TCF4: variants seen among roughly 807,000 people sequenced by gnomAD.
TCF4 encodes the protein SL3-3 enhancer factor 2.
In TCF4, 3 loss-of-function variants were observed where a neutral mutation model predicts 82.1. The ratio of observed to expected loss-of-function variants is 0.04; its 90% CI spans 0.02 to 0.09. The LOEUF is 0.09. TCF4 is among the 10% of genes least tolerant of loss of function. The probability of loss-of-function intolerance (pLI) is 1.00; values close to 1 mark genes in which losing one functional copy is unlikely to be tolerated. For missense variants in TCF4, 518 were observed against 852.7 expected (o/e 0.61, Z 4.89); for synonymous variants, 276 against 309.6 (o/e 0.89, Z 1.14).
intron 1 of TCF4, among the ~76,000 whole-genome samples, chr18:55,587,509 TCA>T (rs1456290400): frequency 2.0e-5 from 3 of 148,874 alleles, no homozygotes; most frequent in Admixed American, 1.3e-4. Context: ...AATGAATGGA[TCA>T]CAGAGAAAAG....
chr18:55,440,882 A>G (rs2095426747), intron 5 of TCF4, among the ~76,000 whole-genome samples: 1 of 152,056 alleles, frequency 6.6e-6, no homozygotes, highest in South Asian at 2.1e-4. Context: ...GTGTCTGTTT[A>G]TTGGATTTAT....
chr18:55,495,376 C>T (rs1168908647), intron 3 of TCF4, among the ~76,000 whole-genome samples: 1 of 151,480 alleles, frequency 6.6e-6, no homozygotes, highest in African/African-American at 2.4e-5. Context: ...ATTTCTACTC[C>T]AACTGTAGAA....
At chr18:55,624,723 G>C (rs2097724808) in intron 2 of TCF4, among the ~76,000 whole-genome samples, 1 of 151,996 alleles carries the variant, frequency 6.6e-6, no homozygotes, top group South Asian at 2.1e-4. Flanking sequence ...CCTTTCTCCA[G>C]GCAGCTCTCC....
At chr18:55,429,878 T>C (rs928482427) in intron 5 of TCF4, among the ~76,000 whole-genome samples, 2 of 151,782 alleles carry the variant, frequency 1.3e-5, no homozygotes, top group African/African-American at 4.8e-5. Flanking sequence ...ATTTAGGTCT[T>C]GACATGATCT....
chr18:55,326,478 A>G (rs968380901), intron 8 of TCF4, among the ~76,000 whole-genome samples: 6 of 151,976 alleles, frequency 3.9e-5, no homozygotes, highest in Non-Finnish European at 8.8e-5. Flanking sequence ...AATGGAAAAA[A>G]GAATTATAAA....
intron 8 of TCF4, among the ~76,000 whole-genome samples, chr18:55,345,640 C>A (rs2081023512): frequency 6.6e-6 from 1 of 152,120 alleles, no homozygotes; most frequent in Non-Finnish European, 1.5e-5. Flanking sequence ...AATTATACTT[C>A]TTCACAAAGT....
At chr18:55,611,666 G>C (rs1406960613) in intron 2 of TCF4, among the ~76,000 whole-genome samples, 1 of 152,016 alleles carries the variant, frequency 6.6e-6, no homozygotes, top group African/African-American at 2.4e-5. Flanking sequence ...CATTGAAAAA[G>C]TAAAAATAAG....
chr18:55,471,829 T>C (rs1019945692), intron 3 of TCF4, among the ~76,000 whole-genome samples: 5 of 151,780 alleles, frequency 3.3e-5, no homozygotes, highest in African/African-American at 7.3e-5. Flanking sequence ...CATTTTCAGA[T>C]GACTGCTGTC....
chr18:55,266,709 T>C (rs1191083136), intron 11 of TCF4: 3 of 151,952 alleles, frequency 2.0e-5, no homozygotes, highest in Non-Finnish European at 4.4e-5. Flanking sequence ...ATCCTTCTTA[T>C]GGATTTCTCA....
At chr18:55,610,603 T>C (rs2097706129) in intron 2 of TCF4, among the ~76,000 whole-genome samples, 1 of 152,142 alleles carries the variant, frequency 6.6e-6, no homozygotes, top group Non-Finnish European at 1.5e-5. Context: ...TTCCATTGAT[T>C]CCAAATTCAG....
rs543258007 is a variant in TCF4 at position 55,536,411 on chromosome 18, C to G, written c.145+48869G>C. Reference sequence around the variant, plus strand: ...TCAGCTTCAGACCATGAAACCATAGCTCTATAGGAACAAATCTACAAAAGA... The same window carrying G: ...TCAGCTTCAGACCATGAAACCATAGGTCTATAGGAACAAATCTACAAAAGA... On this transcript the variant is annotated intron_variant, in intron 3 of 19. Transcript: ENST00000354452. 3.3e-5 allele frequency among the ~76,000 whole-genome samples: 5 copies of G among 152,252 alleles called. No individual in the cohort carries two copies. The South Asian group carries it at 1.0e-3, about 32-fold the overall frequency.
chr18:55,439,785 TG>T (rs1469542760), intron 5 of TCF4, among the ~76,000 whole-genome samples: 2 of 152,220 alleles, frequency 1.3e-5, no homozygotes, highest in African/African-American at 4.8e-5. Context: ...TATAACGGCA[TG>T]ATCTCAGCTC....
chr18:55,347,970 G>A (rs1368468667), intron 8 of TCF4, among the ~76,000 whole-genome samples: 1 of 152,062 alleles, frequency 6.6e-6, no homozygotes, highest in African/African-American at 2.4e-5. Context: ...AATTTAAGAA[G>A]TATCTCTTAT....
In TCF4 at chr18:55,223,231, T is replaced by A. The variant is rs2046103958; in HGVS notation, c.*4804A>T. ...CCTCTAGACAGTTTTCTTTTTGTTT[T>A]GCATGCATCCCGTTCCATTTTCATT... On this transcript the variant is annotated 3_prime_UTR_variant, in exon 20 of 20. Transcript: ENST00000354452. 3 of 152,226 alleles carry A rather than the reference T, an allele frequency of 2.0e-5. No homozygotes were observed. The highest frequency in any genetic ancestry group is 1.3e-4 in the Admixed American group (2 of 15,280). The allele number at this position is 152,226 out of a possible 1,614,324, so 9.4% of individuals were successfully genotyped here.
chr18:55,562,617 C>T (rs1377560377), intron 3 of TCF4, among the ~76,000 whole-genome samples: 1 of 152,142 alleles, frequency 6.6e-6, no homozygotes, highest in Non-Finnish European at 1.5e-5. Context: ...TTTGGTTTGG[C>T]CAAGGGCACA....
At chr18:55,235,731 T>G (rs924960756) in intron 15 of TCF4, among the ~76,000 whole-genome samples, 1 of 152,188 alleles carries the variant, frequency 6.6e-6, no homozygotes, top group African/African-American at 2.4e-5. Context: ...TAGCCTATGG[T>G]TAAGTGAGCA....
At chr18:55,591,755 G>T (rs921580959), upstream of TCF4, among the ~76,000 whole-genome samples, 1 of 152,132 alleles carries the variant, frequency 6.6e-6, no homozygotes, top group African/African-American at 2.4e-5. Flanking sequence ...GACCTCAGGT[G>T]GTCTGCCCAC....
intron 6 of TCF4, among the ~76,000 whole-genome samples, chr18:55,370,999 G>A (rs2088975917): frequency 6.6e-6 from 1 of 152,192 alleles, no homozygotes; most frequent in African/African-American, 2.4e-5. Flanking sequence ...ATTGAATTGA[G>A]ACATTTCAAG....
At chr18:55,431,844 AAATG>A (rs2095206746) in intron 5 of TCF4, among the ~76,000 whole-genome samples, 2 of 152,200 alleles carry the variant, frequency 1.3e-5, no homozygotes, top group African/African-American at 4.8e-5. Context: ...CACTCATGGA[AAATG>A]AGATAACTAA....
Sources: gnomAD v4.1 joint callset for allele counts (sites outside exome capture counted in the v4.1 genomes callset) on GRCh38, gnomAD v4.1.1 for gene constraint, MANE v1.5 for transcripts, NCBI Gene and HGNC (gene_info 2026-07-23, HGNC 2026-07-21) for gene names.